EPS15: variants seen among roughly 807,000 people sequenced by gnomAD.
EPS15 encodes the protein epidermal growth factor receptor substrate 15.
In EPS15, 72 loss-of-function variants were observed where a neutral mutation model predicts 113.8. The observed-to-expected ratio is 0.63, with a 90% CI of 0.52 to 0.77. The LOEUF is 0.77. Ranked by LOEUF, EPS15 falls within the 30% of genes least tolerant of loss-of-function variation. The pLI is 0.00. For synonymous variants in EPS15, 344 were observed against 363.4 expected, an observed-to-expected ratio of 0.95 and a Z score of 0.61; for missense variants, 1,048 against 1,045.8, an observed-to-expected ratio of 1.00 and a Z score of -0.03.
chr1:51,366,417 GA>G, intron 21 of EPS15, among the ~76,000 whole-genome samples: 1 of 152,106 alleles, frequency 6.6e-6, no homozygotes, highest in Non-Finnish European at 1.5e-5. Context: ...TCAGACAGTT[GA>G]AAACATACAA....
chr1:51,474,524 A>T (rs917798345), intron 2 of EPS15, among the ~76,000 whole-genome samples: 2 of 152,188 alleles, frequency 1.3e-5, no homozygotes, highest in Admixed American at 1.3e-4. Flanking sequence ...GGACTGAATG[A>T]ACTGTTGAGG....
chr1:51,493,028 C>T (rs148462253), intron 1 of EPS15, among the ~76,000 whole-genome samples: 3,870 of 151,320 alleles, frequency 0.026, 77 homozygotes, highest in Non-Finnish European at 0.039. Flanking sequence ...GAGTTCGAGA[C>T]CATCCTGCCT....
chr1:51,472,943 A>C lies in EPS15; in HGVS notation c.81T>G (p.Asp27Glu), dbSNP rs1257085723. 4 of 1,612,348 alleles carry C rather than the reference A, an allele frequency of 2.5e-6. No individual in the cohort carries two copies. The highest frequency in any genetic ancestry group is 2.7e-5 in the African/African-American group (2 of 74,982). ...PVYEKYYRQV[D>E]TGNTGRVLAS... ...CCAACACCCTTCCAGTATTGCCTGT[A>C]TCAACCTGAAAAGATACAAATCCGT... is the stretch of plus-strand genomic sequence containing the variant. The change falls in exon 3 of 25, where the codon GAT becomes GAG. Residue 27 changes from aspartate to glutamate, a missense_variant. Asp to Glu is a conservative substitution (Grantham distance 45). Coordinates refer to ENST00000371733, the MANE Select transcript of EPS15 (RefSeq NM_001981.3).
chr1:51,443,495 C>A (rs931084234), intron 11 of EPS15, among the ~76,000 whole-genome samples: 2 of 151,508 alleles, frequency 1.3e-5, no homozygotes, highest in Non-Finnish European at 2.9e-5. Context: ...TCAAAAAATT[C>A]ACAAAAAGGC....
intron 16 of EPS15, among the ~76,000 whole-genome samples, chr1:51,403,747 A>T (rs1648811386): frequency 6.6e-6 from 1 of 152,196 alleles, no homozygotes; most frequent in Non-Finnish European, 1.5e-5. Context: ...TTTAATCCTC[A>T]GAATATGACT....
rs1325392517 is a variant in EPS15, at chr1:51,355,191, T to C, written c.*1509A>G. On this transcript the variant is annotated 3_prime_UTR_variant, in exon 25 of 25. Coordinates refer to ENST00000371733, the MANE Select transcript of EPS15 (RefSeq NM_001981.3). ...TTTGTTTTAAACTGTAGGAGTCTAATTGTGTAATGGAAAGAAAACAAAACA... is the reference window on the plus strand; with the variant it reads ...TTTGTTTTAAACTGTAGGAGTCTAACTGTGTAATGGAAAGAAAACAAAACA... The C allele has an allele frequency of 9.1e-6, 2 of 219,056 alleles. No individual in the cohort carries two copies. The highest frequency in any genetic ancestry group is 2.2e-5 in the African/African-American group (1 of 44,558). 13.6% of individuals were successfully genotyped at this position (219,056 alleles called of 1,614,324 possible).
At chr1:51,368,374 A>T (rs1646556991) in intron 21 of EPS15, among the ~76,000 whole-genome samples, 1 of 152,154 alleles carries the variant, frequency 6.6e-6, no homozygotes. Flanking sequence ...GAGTGGGTGG[A>T]AGCATAGAGA....
At chr1:51,512,991 G>A (rs1476124721) in intron 1 of EPS15, among the ~76,000 whole-genome samples, 1 of 151,616 alleles carries the variant, frequency 6.6e-6, no homozygotes, top group Non-Finnish European at 1.5e-5. Context: ...ACCATGCCCA[G>A]CTAATTAAAA....
At chr1:51,475,096 G>T (rs1489979553) in intron 2 of EPS15, among the ~76,000 whole-genome samples, 1 of 152,116 alleles carries the variant, frequency 6.6e-6, no homozygotes, top group African/African-American at 2.4e-5. Context: ...GGACATTTGG[G>T]TTGGTTCCAA....
intron 21 of EPS15, among the ~76,000 whole-genome samples, chr1:51,377,455 T>G (rs1341062238): frequency 2.6e-5 from 4 of 152,182 alleles, no homozygotes; most frequent in African/African-American, 7.2e-5. Flanking sequence ...CCTGATGATG[T>G]GACTGAATTG....
chr1:51,424,180 A>T (rs1651014981), intron 12 of EPS15, among the ~76,000 whole-genome samples: 1 of 152,214 alleles, frequency 6.6e-6, no homozygotes, highest in African/African-American at 2.4e-5. Context: ...TAAATGTTCA[A>T]TTATATCACT....
At chr1:51,477,555 AT>A (rs1398515391) in intron 2 of EPS15, among the ~76,000 whole-genome samples, 1 of 151,988 alleles carries the variant, frequency 6.6e-6, no homozygotes, top group Non-Finnish European at 1.5e-5. Flanking sequence ...TAGGTTGTCA[AT>A]TTTAGATCTT....
At chr1:51,461,351 ACAAAAGAT>A (rs1375192004) in intron 7 of EPS15, among the ~76,000 whole-genome samples, 7 of 151,722 alleles carry the variant, frequency 4.6e-5, no homozygotes, top group African/African-American at 1.7e-4. Context: ...TCCCATCTCT[ACAAAAGAT>A]AAAAATAAAA....
chr1:51,498,426 A>C, intron 1 of EPS15, among the ~76,000 whole-genome samples: 1 of 152,218 alleles, frequency 6.6e-6, no homozygotes, highest in East Asian at 1.9e-4. Flanking sequence ...GTACCCATAC[A>C]ACCATTGTTT....
intron 12 of EPS15, among the ~76,000 whole-genome samples, chr1:51,434,549 G>A (rs1278039932): frequency 2.0e-5 from 3 of 152,210 alleles, no homozygotes; most frequent in African/African-American, 7.2e-5. Context: ...GAGGAAGGGC[G>A]GGGAAAATGG....
intron 21 of EPS15, among the ~76,000 whole-genome samples, chr1:51,369,384 C>T (rs1646590088): frequency 6.6e-6 from 1 of 152,128 alleles, no homozygotes; most frequent in Non-Finnish European, 1.5e-5. Context: ...GGGGGAGTTC[C>T]AGAAACACTT....
chr1:51,376,462 G>A (rs891851750), intron 21 of EPS15, among the ~76,000 whole-genome samples: 7 of 152,250 alleles, frequency 4.6e-5, no homozygotes, highest in Middle Eastern at 3.4e-3. Flanking sequence ...TCAGGAGTTC[G>A]AGACCAGCCT....
At chr1:51,377,621 AGCAGTG>A (rs1646831018) in intron 21 of EPS15, among the ~76,000 whole-genome samples, 1 of 152,218 alleles carries the variant, frequency 6.6e-6, no homozygotes, top group Non-Finnish European at 1.5e-5. Context: ...TAGTTCGTGA[AGCAGTG>A]GCAGGATCTA....
rs569342054 is a variant in EPS15, at chr1:51,379,610, C to A, written c.2120-13581G>T. Among the ~76,000 whole-genome samples, 6 of 152,294 alleles carry A rather than the reference C, an allele frequency of 3.9e-5. No homozygotes were observed. The South Asian group carries it at 1.2e-3, about 32-fold the overall frequency. ...AACTGAATGGTTCATTACCACTAGA[C>A]CTACTCTATAAGAAATGCTAAAGGG... On this transcript the variant is annotated intron_variant, in intron 21 of 24. Transcript: ENST00000371733.
Sources: gnomAD v4.1 joint callset for allele counts (sites outside exome capture counted in the v4.1 genomes callset) on GRCh38, gnomAD v4.1.1 for gene constraint, MANE v1.5 for transcripts, NCBI Gene and HGNC (gene_info 2026-07-23, HGNC 2026-07-21) for gene names.